Variants in SLC6A20 observed in about 807,000 individuals in gnomAD.
SLC6A20 encodes solute carrier family 6 member 20.
In SLC6A20, 73 loss-of-function variants were observed where a neutral mutation model predicts 64.3. The ratio of observed to expected loss-of-function variants is 1.14; its 90% CI spans 0.94 to 1.38. SLC6A20 has a LOEUF of 1.38. Ranked by LOEUF, SLC6A20 falls within the 40% of genes most tolerant of loss-of-function variation. The pLI is 0.00. For synonymous variants in SLC6A20, 347 were observed against 329.6 expected (o/e 1.05, Z -0.57); for missense variants, 725 against 772.8 (o/e 0.94, Z 0.73).
intron 9 of SLC6A20, among the ~76,000 whole-genome samples, chr3:45,762,213 C>T (rs1321040273): frequency 6.6e-6 from 1 of 152,234 alleles, no homozygotes; most frequent in Non-Finnish European, 1.5e-5. Flanking sequence ...AGGGACCACA[C>T]TTGAGGTAGC....
chr3:45,784,503 T>C (rs1700142547), intron 1 of SLC6A20, among the ~76,000 whole-genome samples: 1 of 152,180 alleles, frequency 6.6e-6, no homozygotes, highest in Non-Finnish European at 1.5e-5. Context: ...ATTGAGAAAT[T>C]GGATTTCGTT....
At position 45,771,414 on chromosome 3, in the gene SLC6A20, G is replaced by C. The variant is rs926282032; in HGVS notation, c.738C>G (p.Thr246=). 9.3e-6 allele frequency: 15 copies of C among 1,614,122 alleles called. No homozygotes were observed. The highest frequency in any genetic ancestry group is 1.2e-5 in the Non-Finnish European group (14 of 1,180,048). ...CCAGGCCAAGTGAGAAGAAGATCTGGGTGGCTGCATTGATCCAGGCCTTGG... is the reference window on the plus strand; with the variant it reads ...CCAGGCCAAGTGAGAAGAAGATCTGCGTGGCTGCATTGATCCAGGCCTTGG... ...ANPKAWINAA[T]QIFFSLGLGF... is the part of the protein sequence containing the mutation. Residue 246 remains threonine, a synonymous_variant, in exon 6 of 11, where the codon ACC becomes ACG. Coordinates refer to ENST00000358525, the MANE Select transcript of SLC6A20 (RefSeq NM_020208.4).
intron 1 of SLC6A20, among the ~76,000 whole-genome samples, chr3:45,787,476 G>A (rs892503573): frequency 2.0e-5 from 3 of 152,110 alleles, no homozygotes; most frequent in African/African-American, 7.2e-5. Flanking sequence ...CTTGGTGTCT[G>A]CCTCTCTACT....
intron 1 of SLC6A20, among the ~76,000 whole-genome samples, chr3:45,789,089 GT>G (rs1700209425): frequency 6.6e-6 from 1 of 152,156 alleles, no homozygotes. Flanking sequence ...TGGAATGGGG[GT>G]GAGGAAAGAA....
Position 45,765,580 on chromosome 3 carries a change from G to GTC in SLC6A20, c.1258_1259dup (p.Asp420GlufsTer68). The GTC allele has an allele frequency of 6.2e-7, 1 of 1,614,126 alleles. No homozygotes were observed. Among genetic ancestry groups the GTC allele is most frequent in the Non-Finnish European group, 8.5e-7 (1 of 1,180,014 alleles). ...GCAGGTGGCTGGAGATGATCTTGCTGTCTGTCAGAGGGGTGAGGATGGCCG... is the reference window on the plus strand; with the variant it reads ...GCAGGTGGCTGGAGATGATCTTGCTGTCTCTGTCAGAGGGGTGAGGATGGCCG... On this transcript the variant is annotated frameshift_variant, in exon 8 of 11. Transcript: ENST00000358525. LOFTEE classifies it high-confidence loss of function. The surrounding 1 kb of genome is among the most constrained non-coding windows in gnomAD (Gnocchi z 4.2).
chr3:45,773,895 G>A (rs1458332048), intron 4 of SLC6A20, among the ~76,000 whole-genome samples: 2 of 152,226 alleles, frequency 1.3e-5, no homozygotes, highest in African/African-American at 4.8e-5. Flanking sequence ...AGGTAAGAGA[G>A]ATGAAAAGAC....
rs753385800 is a variant in SLC6A20 at position 45,782,299 on chromosome 3, C to T, written c.122-76G>A. ...CACGACCACTCAACCTCTGTGCAAA[C>T]ATCCTTCCATCCTCCTGTCTTTCTA... is the stretch of plus-strand genomic sequence containing the variant. On this transcript the variant is annotated intron_variant, in intron 1 of 10. Transcript: ENST00000358525. 6 of 1,511,680 alleles carry T rather than the reference C, an allele frequency of 4.0e-6. No homozygotes were observed. In the Middle Eastern group the frequency reaches 5.3e-4, roughly 134 times the overall value. The allele number at this position is 1,511,680 out of a possible 1,614,324, so 93.6% of individuals were successfully genotyped here.
intron 8 of SLC6A20, among the ~76,000 whole-genome samples, chr3:45,764,713 A>C (rs926532697): frequency 1.4e-5 from 2 of 146,460 alleles, no homozygotes; most frequent in African/African-American, 5.2e-5. Flanking sequence ...AAAAACAAAA[A>C]AAAAAAAAAA....
At position 45,765,441 on chromosome 3, in the gene SLC6A20, G is replaced by C; in HGVS notation, c.1303+96C>G. On this transcript the variant is annotated intron_variant, in intron 8 of 10. Coordinates refer to ENST00000358525, the MANE Select transcript of SLC6A20 (RefSeq NM_020208.4). The surrounding 1 kb of genome is among the most constrained non-coding windows in gnomAD (Gnocchi z 4.2). ...TGGCTGCAACCCCCTGTAGCCACCT[G>C]AACCAGCCCATGACCCCTGAGGGAG... is the stretch of plus-strand genomic sequence containing the variant. 1 of 1,407,010 alleles carries C rather than the reference G, an allele frequency of 7.1e-7. No homozygotes were observed. Among genetic ancestry groups the C allele is most frequent in the South Asian group, 1.3e-5 (1 of 75,316 alleles). 87.2% of individuals were successfully genotyped at this position (1,407,010 alleles called of 1,614,324 possible).
chr3:45,764,579 A>G (rs184867323), intron 8 of SLC6A20, among the ~76,000 whole-genome samples: 53 of 152,002 alleles, frequency 3.5e-4, no homozygotes, highest in African/African-American at 1.1e-3. Context: ...GTGTGCACCT[A>G]TAATCCCAGC....
At position 45,794,476 on chromosome 3, in the gene SLC6A20, G is replaced by A. The variant is rs377513292; in HGVS notation, c.121+1823C>T. Among the ~76,000 whole-genome samples, 388 of 152,156 alleles carry A rather than the reference G, an allele frequency of 2.6e-3. 13 individuals are homozygous for A. The South Asian group carries it at 0.077, about 30-fold the overall frequency. ...CCAGCCACCAATCCATGCTCCGTCC[G>A]GCTTCCACTCATCTATCTATCCACC... On this transcript the variant is annotated intron_variant, in intron 1 of 10. Transcript: ENST00000358525.
intron 1 of SLC6A20, among the ~76,000 whole-genome samples, chr3:45,788,394 A>G (rs1336817574): frequency 6.6e-6 from 1 of 152,180 alleles, no homozygotes; most frequent in East Asian, 1.9e-4. Context: ...AATAAGCGTT[A>G]CTCAGTTTCA....
chr3:45,766,701 A>AAG (rs1025209019), intron 7 of SLC6A20, among the ~76,000 whole-genome samples: 9 of 151,800 alleles, frequency 5.9e-5, no homozygotes, highest in Non-Finnish European at 1.2e-4. Context: ...TAACAAGAGG[A>AAG]AGAGAGAGAG....
At chr3:45,792,811 T>TTA in intron 1 of SLC6A20, among the ~76,000 whole-genome samples, 1 of 152,110 alleles carries the variant, frequency 6.6e-6, no homozygotes, top group African/African-American at 2.4e-5. Context: ...ATCTGCAAAT[T>TTA]CTTGGAATTG....
intron 7 of SLC6A20, among the ~76,000 whole-genome samples, chr3:45,768,363 T>C (rs932426253): frequency 1.3e-5 from 2 of 151,816 alleles, no homozygotes; most frequent in Non-Finnish European, 2.9e-5. Context: ...AAATGAAGTC[T>C]AGATAAATCA....
rs377534748 is a variant in SLC6A20, at chr3:45,758,954, G to A, written c.*24C>T. On this transcript the variant is annotated 3_prime_UTR_variant, in exon 11 of 11. Coordinates refer to ENST00000358525, the MANE Select transcript of SLC6A20 (RefSeq NM_020208.4). ...GCCTGTAAATAGTATCTGTAAAACCGTGAGCGGCTGGGAAGCCCACATCTC... is the reference window on the plus strand; with the variant it reads ...GCCTGTAAATAGTATCTGTAAAACCATGAGCGGCTGGGAAGCCCACATCTC... 31 of 1,581,210 alleles carry A rather than the reference G, an allele frequency of 2.0e-5. No homozygotes were observed. The highest frequency in any genetic ancestry group is 1.4e-4 in the South Asian group (12 of 85,906).
intron 8 of SLC6A20, among the ~76,000 whole-genome samples, chr3:45,764,951 AC>A (rs34292888): frequency 0.078 from 11,911 of 151,834 alleles, 530 homozygotes; most frequent in East Asian, 0.15. Context: ...GGTGGCTCAC[AC>A]CTGTAATCCC....
intron 10 of SLC6A20, 124 bp downstream of exon 10, chr3:45,759,733 T>G (rs1470195021): frequency 8.0e-7 from 1 of 1,252,718 alleles, no homozygotes; most frequent in Non-Finnish European, 1.1e-6. Context: ...CAGTGATATT[T>G]CCATGTCGTG....
intron 9 of SLC6A20, among the ~76,000 whole-genome samples, chr3:45,762,220 T>C (rs1699696918): frequency 6.6e-6 from 1 of 152,202 alleles, no homozygotes; most frequent in Non-Finnish European, 1.5e-5. Context: ...ACACTTGAGG[T>C]AGCAAAGCTC....
Sources: gnomAD v4.1 joint callset for allele counts (sites outside exome capture counted in the v4.1 genomes callset) on GRCh38, gnomAD v4.1.1 for gene constraint, Gnocchi (gnomAD v3.1) non-coding constraint, MANE v1.5 for transcripts, NCBI Gene and HGNC (gene_info 2026-07-23, HGNC 2026-07-21) for gene names.